PPFIA2: variants seen among roughly 807,000 people sequenced by gnomAD.
The protein encoded by PPFIA2 is PPFI scaffold protein A2.
In PPFIA2, 46 loss-of-function variants were observed where a neutral mutation model predicts 175.5. The ratio of observed to expected loss-of-function variants is 0.26; its 90% CI spans 0.21 to 0.34. The LOEUF (loss-of-function observed/expected upper bound fraction) is 0.34. Among genes scored for constraint, PPFIA2 ranks in the 10% least tolerant of loss-of-function variants. The pLI is 1.00. For synonymous variants in PPFIA2, 568 were observed against 511.4 expected (o/e 1.11, Z -1.49); for missense variants, 1,179 against 1,506.1 (o/e 0.78, Z 3.60).
chr12:81,518,970 C>G (rs1177169631), intron 4 of PPFIA2, among the ~76,000 whole-genome samples: 4 of 152,042 alleles, frequency 2.6e-5, no homozygotes, highest in African/African-American at 9.7e-5. Flanking sequence ...ACCTTTAAAG[C>G]CTATTTGATC....
At chr12:81,507,389 T>C (rs1441311980) in intron 4 of PPFIA2, among the ~76,000 whole-genome samples, 1 of 151,110 alleles carries the variant, frequency 6.6e-6, no homozygotes, top group Non-Finnish European at 1.5e-5. Flanking sequence ...CTTGAAATTG[T>C]ATATATACAA....
chr12:81,742,063 A>AC (rs1224253705), intron 3 of PPFIA2, among the ~76,000 whole-genome samples: 1 of 152,182 alleles, frequency 6.6e-6, no homozygotes, highest in African/African-American at 2.4e-5. Context: ...TGAATCCCTG[A>AC]CCCGTTGGAC....
chr12:81,518,566 G>T (rs541221954), intron 4 of PPFIA2, among the ~76,000 whole-genome samples: 4 of 151,884 alleles, frequency 2.6e-5, no homozygotes, highest in African/African-American at 9.7e-5. Flanking sequence ...ACCTTTCTAA[G>T]CATTTAGCTA....
rs576922617 is a variant in PPFIA2, at chr12:81,735,817, T to C, written c.249+18156A>G. Among the ~76,000 whole-genome samples the C allele has an allele frequency of 2.0e-5, 3 of 152,006 alleles. 1 individual carries two copies. Among genetic ancestry groups the C allele is most frequent in the African/African-American group, 7.2e-5 (3 of 41,550 alleles). On this transcript the variant is annotated intron_variant, in intron 3 of 32. Transcript: ENST00000549396. ...TGTGCATTTGAATAGCCAATCATCCTAGCCTAATTTGTTGAAAAGACTATC... is the reference window on the plus strand; with the variant it reads ...TGTGCATTTGAATAGCCAATCATCCCAGCCTAATTTGTTGAAAAGACTATC...
At chr12:81,299,190 A>G (rs1158553215) in intron 23 of PPFIA2, 111 bp downstream of exon 23, 1 of 1,397,858 alleles carries the variant, frequency 7.2e-7, no homozygotes, top group African/African-American at 1.4e-5. Flanking sequence ...CTTATGAGCA[A>G]TTCCAGACTA....
chr12:81,351,405 G>A (rs1039062875), intron 17 of PPFIA2, among the ~76,000 whole-genome samples: 6 of 152,020 alleles, frequency 3.9e-5, no homozygotes, highest in African/African-American at 1.4e-4. Flanking sequence ...CAAAATGCTA[G>A]GGGATTTTTA....
rs1184500124 is a variant in PPFIA2, at chr12:81,405,818, C to T, written c.731G>A (p.Gly244Glu). The T allele has an allele frequency of 6.3e-7, 1 of 1,578,354 alleles. No homozygotes were observed. Among genetic ancestry groups the T allele is most frequent in the East Asian group, 2.3e-5 (1 of 43,650 alleles). Reference protein sequence around the residue: ...EGSTESEHLEGMEPGQKVHEK... With the variant: ...EGSTESEHLEEMEPGQKVHEK... ...ATGGACTTTCTGTCCAGGTTCCATC[C>T]CTTCAAGATGTTCTGACTCTGTGGA... Residue 244 changes from glycine to glutamate, a missense_variant, in exon 8 of 33, where the codon GGG becomes GAG. Around this residue, in one of 10 missense-constraint regions of PPFIA2, gnomAD observed 226 missense variants for 216.6 expected, o/e 1.04. Transcript: ENST00000549396.
chr12:81,408,798 G>C (rs1236719292), intron 7 of PPFIA2, among the ~76,000 whole-genome samples: 1 of 152,144 alleles, frequency 6.6e-6, no homozygotes, highest in East Asian at 1.9e-4. Context: ...AAAAATGTTG[G>C]CTCTTGATAC....
intron 4 of PPFIA2, among the ~76,000 whole-genome samples, chr12:81,666,366 A>G (rs12813225): frequency 6.6e-5 from 10 of 152,168 alleles, no homozygotes; most frequent in South Asian, 2.1e-4. Flanking sequence ...CAACCCAAAT[A>G]TCCAACAATG....
chr12:81,306,386 A>T (rs968899065), intron 22 of PPFIA2, among the ~76,000 whole-genome samples: 1 of 152,184 alleles, frequency 6.6e-6, no homozygotes, highest in African/African-American at 2.4e-5. Context: ...CATGTGGAAC[A>T]TGAAGCTGAT....
At chr12:81,264,008 G>A (rs926564347) in intron 30 of PPFIA2, among the ~76,000 whole-genome samples, 1 of 152,110 alleles carries the variant, frequency 6.6e-6, no homozygotes, top group Non-Finnish European at 1.5e-5. Context: ...CTTTCAATAA[G>A]TACATGTGGT....
intron 28 of PPFIA2, among the ~76,000 whole-genome samples, chr12:81,276,437 T>A (rs180917748): frequency 3.2e-4 from 48 of 152,294 alleles, no homozygotes; most frequent in Non-Finnish European, 1.8e-4. Flanking sequence ...TACCTTTACC[T>A]ATATCTTTTT....
rs907103260 is a variant in PPFIA2 at position 81,404,202 on chromosome 12, G to C, written c.762+1585C>G. On this transcript the variant is annotated intron_variant, in intron 8 of 32. Transcript: ENST00000549396. Reference sequence around the variant, plus strand: ...CTTCAAGTATGAAATAACCTGTTAGGGGATAAAAAAAATCTGAAGTTGTTC... The same window carrying C: ...CTTCAAGTATGAAATAACCTGTTAGCGGATAAAAAAAATCTGAAGTTGTTC... Among the ~76,000 whole-genome samples the C allele has an allele frequency of 4.6e-5, 7 of 151,908 alleles. No homozygotes were observed. In the East Asian group the frequency reaches 7.7e-4, roughly 17 times the overall value.
At chr12:81,363,677 T>C (rs1165411190) in intron 14 of PPFIA2, among the ~76,000 whole-genome samples, 1 of 151,786 alleles carries the variant, frequency 6.6e-6, no homozygotes, top group Non-Finnish European at 1.5e-5. Flanking sequence ...AATGTTTCTC[T>C]TTTCTGTTCT....
chr12:81,559,698 T>C (rs907720648), intron 4 of PPFIA2, among the ~76,000 whole-genome samples: 3 of 152,120 alleles, frequency 2.0e-5, no homozygotes, highest in Non-Finnish European at 2.9e-5. Context: ...TATATTTAGG[T>C]GAGATCTTGT....
chr12:81,621,323 A>T (rs1210493502), intron 4 of PPFIA2, among the ~76,000 whole-genome samples: 1 of 152,228 alleles, frequency 6.6e-6, no homozygotes, highest in Non-Finnish European at 1.5e-5. Context: ...AGGGAGTAGT[A>T]GGTGGTGAAA....
intron 19 of PPFIA2, among the ~76,000 whole-genome samples, chr12:81,342,472 T>A (rs1301485320): frequency 6.6e-6 from 1 of 152,136 alleles, no homozygotes; most frequent in Non-Finnish European, 1.5e-5. Flanking sequence ...CTTGTAACTT[T>A]GAGGAACTTC....
intron 4 of PPFIA2, among the ~76,000 whole-genome samples, chr12:81,606,871 CAA>C (rs200146719): frequency 4.6e-5 from 7 of 151,888 alleles, no homozygotes; most frequent in Admixed American, 1.3e-4. Flanking sequence ...GGGGACTTGG[CAA>C]AAAAATATTT....
At chr12:81,270,169 A>G (rs1428452421) in intron 28 of PPFIA2, among the ~76,000 whole-genome samples, 2 of 152,246 alleles carry the variant, frequency 1.3e-5, no homozygotes, top group Non-Finnish European at 2.9e-5. Flanking sequence ...CAAGGAATAG[A>G]ATTGTTATGT....
Sources: gnomAD v4.1 joint callset for allele counts (sites outside exome capture counted in the v4.1 genomes callset) on GRCh38, gnomAD v4.1.1 for gene constraint, gnomAD v4.1.1 regional missense constraint, MANE v1.5 for transcripts, NCBI Gene and HGNC (gene_info 2026-07-23, HGNC 2026-07-21) for gene names.